The following TG variants were observed in gnomAD, a reference collection of about 807,000 sequenced individuals.
TG encodes thyroglobulin.
Under a neutral mutation model 324.7 loss-of-function variants are expected in TG, and 270 were observed. The observed-to-expected ratio is 0.83, with a 90% CI of 0.75 to 0.92. TG has a LOEUF of 0.92. Among genes scored for constraint, TG ranks in the 40% least tolerant of loss-of-function variants. The pLI, the probability that TG is intolerant of heterozygous loss-of-function variation, is 0.00. For missense variants in TG, 3,591 were observed against 3,456.4 expected (o/e 1.04, Z -0.98); for synonymous variants, 1,401 against 1,327.0 (o/e 1.06, Z -1.21).
rs536044472 is a variant in TG, at chr8:133,133,745, G to A, written c.8188+85G>A. On this transcript the variant is annotated intron_variant, in intron 47 of 47. Transcript: ENST00000220616. Reference sequence around the variant, plus strand: ...TCGCTGCATGAGACCTGTGCTGCGCGCGCATTGGAGCCAAGGGGTCACCAG... The same window carrying A: ...TCGCTGCATGAGACCTGTGCTGCGCACGCATTGGAGCCAAGGGGTCACCAG... 8.0e-4 allele frequency: 1,179 copies of A among 1,472,088 alleles called. 10 individuals carry two copies. Among genetic ancestry groups the A allele is most frequent in the Middle Eastern group, 2.0e-4 (1 of 4,908 alleles). The allele number at this position is 1,472,088 out of a possible 1,614,324, so 91.2% of individuals were successfully genotyped here. A position where few individuals can be genotyped will look rare whatever the true frequency, so the allele number is the denominator to read the frequency against.
intron 29 of TG, among the ~76,000 whole-genome samples, chr8:132,964,020 C>T (rs1828163381): frequency 6.6e-6 from 1 of 151,996 alleles, no homozygotes; most frequent in Non-Finnish European, 1.5e-5. Context: ...GTACTTAACA[C>T]ATGCCTAAAA....
chr8:133,067,722 G>A (rs1843225383), intron 41 of TG, among the ~76,000 whole-genome samples: 1 of 151,966 alleles, frequency 6.6e-6, no homozygotes, highest in Non-Finnish European at 1.5e-5. Context: ...GCTGCAGTAA[G>A]CTGAGATCGC....
chr8:133,078,310 G>A (rs958430652), intron 41 of TG, among the ~76,000 whole-genome samples: 3 of 152,180 alleles, frequency 2.0e-5, no homozygotes, highest in Non-Finnish European at 4.4e-5. Context: ...TGGGGTGGGA[G>A]CATGTGAGCC....
At chr8:132,959,374 A>C (rs1056309435) in intron 27 of TG, among the ~76,000 whole-genome samples, 1 of 152,228 alleles carries the variant, frequency 6.6e-6, no homozygotes, top group African/African-American at 2.4e-5. Context: ...TAAATGGAGA[A>C]TAAGATTATA....
intron 8 of TG, among the ~76,000 whole-genome samples, 194 bp from the exon 9 acceptor site, chr8:132,886,254 C>A (rs1298008972): frequency 6.6e-6 from 1 of 152,108 alleles, no homozygotes; most frequent in Non-Finnish European, 1.5e-5. Flanking sequence ...AAAAGTCACA[C>A]TTCCAAAATG....
intron 18 of TG, 128 bp from the exon 19 acceptor site, chr8:132,911,249 C>T (rs1819477312): frequency 6.5e-7 from 1 of 1,542,832 alleles, no homozygotes; most frequent in African/African-American, 1.4e-5. Flanking sequence ...ATTCCTTGAC[C>T]CCCTGAAGTA....
intron 22 of TG, among the ~76,000 whole-genome samples, chr8:132,925,634 T>G (rs142607777): frequency 1.3e-5 from 2 of 151,612 alleles, no homozygotes; most frequent in African/African-American, 2.4e-5. Context: ...ACAGGGGAAG[T>G]ACAGCAGGAA....
chr8:132,937,875 T>C (rs1271601214), intron 25 of TG, among the ~76,000 whole-genome samples: 2 of 152,116 alleles, frequency 1.3e-5, no homozygotes, highest in East Asian at 1.9e-4. Flanking sequence ...ATTGGGAAAA[T>C]TCCTTGTTGC....
chr8:133,006,593 G>A (rs1178697650), intron 35 of TG, among the ~76,000 whole-genome samples: 2 of 152,182 alleles, frequency 1.3e-5, no homozygotes, highest in African/African-American at 4.8e-5. Flanking sequence ...ATGATTGAAA[G>A]AACAAATATA....
chr8:132,989,910 C>T (rs1832092918), intron 35 of TG, among the ~76,000 whole-genome samples: 1 of 152,092 alleles, frequency 6.6e-6, no homozygotes, highest in African/African-American at 2.4e-5. Flanking sequence ...GATTTCACAG[C>T]CTCTTGATGC....
intron 21 of TG, among the ~76,000 whole-genome samples, chr8:132,919,846 A>G (rs543907433): frequency 2.6e-5 from 4 of 152,198 alleles, no homozygotes; most frequent in Non-Finnish European, 5.9e-5. Flanking sequence ...ATCTTTGAAT[A>G]CTTACCTACT....
At chr8:133,133,811 TG>T in intron 47 of TG, 151 bp downstream of exon 47, 1 of 899,942 alleles carries the variant, frequency 1.1e-6, no homozygotes, top group Non-Finnish European at 1.8e-6. Context: ...GTTCATGGTC[TG>T]GGGAGCTCCA....
chr8:133,101,091 T>A (rs1849183420), intron 43 of TG, among the ~76,000 whole-genome samples: 1 of 151,782 alleles, frequency 6.6e-6, no homozygotes, highest in South Asian at 2.1e-4. Context: ...GTGGGGAGGG[T>A]GGCGGGTGGC....
At chr8:132,939,935 C>A (rs1824193888) in intron 25 of TG, among the ~76,000 whole-genome samples, 1 of 152,180 alleles carries the variant, frequency 6.6e-6, no homozygotes, top group South Asian at 2.1e-4. Flanking sequence ...CTTGGCCTCC[C>A]AAAGTGGTGG....
chr8:132,992,808 C>T (rs1393836297), intron 35 of TG, among the ~76,000 whole-genome samples: 2 of 152,212 alleles, frequency 1.3e-5, no homozygotes, highest in African/African-American at 4.8e-5. Flanking sequence ...TCCAAAGTAG[C>T]TCCCTTCTGC....
At position 132,972,656 on chromosome 8, in the gene TG, G is replaced by GGC. The variant is rs1829698469; in HGVS notation, c.6114_6115insGC (p.Asn2039AlafsTer115). ...TGGGAATTCAGATGTGCAGTGAGGA[G>GGC]AATGGAGGAGCCTGGCGCATTTTGG... On this transcript the variant is annotated frameshift_variant, in exon 34 of 48. Transcript: ENST00000220616. LOFTEE classifies it high-confidence loss of function. 1 of 1,613,080 alleles carries GGC rather than the reference G, an allele frequency of 6.2e-7. No individual in the cohort carries two copies. Among genetic ancestry groups the GGC allele is most frequent in the Non-Finnish European group, 8.5e-7 (1 of 1,179,932 alleles).
chr8:132,887,750 G>A (rs1420609691), intron 9 of TG, among the ~76,000 whole-genome samples: 1 of 152,090 alleles, frequency 6.6e-6, no homozygotes, highest in African/African-American at 2.4e-5. Flanking sequence ...AGATTTGTCT[G>A]GCCTTAAAGA....
intron 41 of TG, chr8:133,045,052 T>C (rs755508071): frequency 1.2e-6 from 2 of 1,614,202 alleles, no homozygotes; most frequent in South Asian, 1.1e-5. Flanking sequence ...GTACCAGTTG[T>C]TGGGCAGACG....
At position 132,941,394 on chromosome 8, in the gene TG, T is replaced by C. The variant is rs2129911584; in HGVS notation, c.5085T>C (p.Thr1695=). Residue 1695 remains threonine (T), a synonymous_variant, in exon 26 of 48, where the codon ACT becomes ACC. Coordinates refer to ENST00000220616, the MANE Select transcript of TG (RefSeq NM_003235.5). ...TTTLQKRFEP[T]GFQNMLSGLY... Reference sequence around the variant, plus strand: ...CACTTCAGAAACGCTTTGAACCCACTGGTTTCCAAAACATGCTTTCTGGAT... The same window carrying C: ...CACTTCAGAAACGCTTTGAACCCACCGGTTTCCAAAACATGCTTTCTGGAT... 3 of 1,614,250 alleles carry C rather than the reference T, an allele frequency of 1.9e-6. No individual in the cohort carries two copies. The highest frequency in any genetic ancestry group is 3.3e-5 in the Admixed American group (2 of 60,030).
Sources: allele counts gnomAD v4.1 joint callset (sites outside exome capture counted in the v4.1 genomes callset), GRCh38; gene constraint gnomAD v4.1.1; transcripts MANE v1.5; gene names NCBI Gene and HGNC (gene_info 2026-07-23, HGNC 2026-07-21).